The following EPHX2 variants were observed in gnomAD, a reference collection of about 807,000 sequenced individuals.
EPHX2 encodes epoxide hydrolase 2.
A neutral mutation model predicts 78.7 loss-of-function variants in EPHX2; 74 were observed. The ratio of observed to expected loss-of-function variants is 0.94; its 90% CI spans 0.78 to 1.14. EPHX2 has a LOEUF of 1.14. Among genes scored for constraint, EPHX2 ranks in the 50% most tolerant of loss-of-function variants. The pLI, the probability that EPHX2 is intolerant of heterozygous loss-of-function variation, is 0.00. For synonymous variants in EPHX2, 251 were observed against 255.2 expected (o/e 0.98, Z 0.16); for missense variants, 715 against 702.5 (o/e 1.02, Z -0.20).
In EPHX2 at chr8:27,544,872, C is replaced by G. The variant is rs1055126234; in HGVS notation, c.*350C>G. On this transcript the variant is annotated 3_prime_UTR_variant, in exon 19 of 19. Transcript: ENST00000521400. ...AAATCAGCCGTTCATTTAGAAGAAT[C>G]TTAGCAGAGATTGGGATGCCTTACT... 4 of 278,598 alleles carry G rather than the reference C, an allele frequency of 1.4e-5. No homozygotes were observed. The highest frequency in any genetic ancestry group is 2.7e-5 in the Non-Finnish European group (4 of 147,306). The allele number at this position is 278,598 out of a possible 1,614,324, so 17.3% of individuals were successfully genotyped here.
At position 27,543,788 on chromosome 8, in the gene EPHX2, T is replaced by G; in HGVS notation, c.1489T>G (p.Phe497Val). 1 of 1,614,090 alleles carries G rather than the reference T, an allele frequency of 6.2e-7. No homozygotes were observed. Among genetic ancestry groups the G allele is most frequent in the Non-Finnish European group, 8.5e-7 (1 of 1,180,008 alleles). ...PALMVTAEKD[F>V]VLVPQMSQHM... ...CCTGATGGTCACGGCGGAGAAGGAC[T>G]TCGTGCTCGTTCCTCAGATGTCCCA... Residue 497 changes from phenylalanine to valine, a missense_variant, in exon 17 of 19, where the codon TTC (phenylalanine) becomes GTC (valine). By Grantham distance (50) the Phe-to-Val change is conservative. Transcript: ENST00000521400.
At chr8:27,535,359 G>A (rs993268284) in intron 12 of EPHX2, among the ~76,000 whole-genome samples, 2 of 152,018 alleles carry the variant, frequency 1.3e-5, no homozygotes, top group African/African-American at 4.8e-5. Flanking sequence ...ATTTTTGGTA[G>A]AGACGGGGTT....
At chr8:27,539,817 C>T (rs1428196168) in intron 14 of EPHX2, among the ~76,000 whole-genome samples, 2 of 152,222 alleles carry the variant, frequency 1.3e-5, no homozygotes, top group East Asian at 3.8e-4. Context: ...GGGTGACATC[C>T]TCATCACATA....
At chr8:27,491,923 G>C (rs1813393071) in intron 1 of EPHX2, among the ~76,000 whole-genome samples, 1 of 151,206 alleles carries the variant, frequency 6.6e-6, no homozygotes. Context: ...ATAATGTAAT[G>C]ATTTTCTTTC....
At chr8:27,509,574 A>G (rs1163484448) in intron 5 of EPHX2, among the ~76,000 whole-genome samples, 1 of 152,048 alleles carries the variant, frequency 6.6e-6, no homozygotes, top group African/African-American at 2.4e-5. Context: ...TTGTATTTTT[A>G]GTAGAGACAG....
chr8:27,516,919 A>T (rs28490274), intron 8 of EPHX2, among the ~76,000 whole-genome samples: 27,205 of 130,952 alleles, frequency 0.21, 2,909 homozygotes, highest in African/African-American at 0.3. Context: ...TTTCCTTCCT[A>T]TTTTTTTTTT....
Position 27,534,866 on chromosome 8 carries a change from G to A in EPHX2, c.1171-1918G>A, listed in dbSNP as rs907603228. On this transcript the variant is annotated intron_variant, in intron 12 of 18. Coordinates refer to ENST00000521400, the MANE Select transcript of EPHX2 (RefSeq NM_001979.6). ...CTCTGCAGGATCCAAGAAAAGCAGA[G>A]TTACCCCTTGGTGGTGGGAAAGATG... Among the ~76,000 whole-genome samples the A allele has an allele frequency of 6.6e-5, 10 of 152,206 alleles. No individual in the cohort carries two copies. In the East Asian group the frequency reaches 1.7e-3, roughly 26 times the overall value.
At chr8:27,521,995 C>A (rs1173024233) in intron 10 of EPHX2, among the ~76,000 whole-genome samples, 2 of 152,096 alleles carry the variant, frequency 1.3e-5, no homozygotes, top group Non-Finnish European at 2.9e-5. Flanking sequence ...ATTAAAGATG[C>A]TTTGGGACTT....
At chr8:27,507,105 C>T (rs1336511178) in intron 5 of EPHX2, 111 bp downstream of exon 5, 11 of 1,366,198 alleles carry the variant, frequency 8.1e-6, no homozygotes, top group Non-Finnish European at 1.1e-5. Context: ...TGAATGACTC[C>T]TGGGCACCGC....
chr8:27,515,815 T>G lies in EPHX2; in HGVS notation c.831+2T>G. On this transcript the variant is annotated splice_donor_variant, in intron 7 of 18. Transcript: ENST00000521400. LOFTEE classifies it high-confidence loss of function. ...AGTTGGTATTCTTGGAGGTACCAGGTGAGAAAGCTGGGGAAGATGCAGCCA... is the reference window on the plus strand; with the variant it reads ...AGTTGGTATTCTTGGAGGTACCAGGGGAGAAAGCTGGGGAAGATGCAGCCA... 1 of 1,613,450 alleles carries G rather than the reference T, an allele frequency of 6.2e-7. No homozygotes were observed. Among genetic ancestry groups the G allele is most frequent in the Non-Finnish European group, 8.5e-7 (1 of 1,179,682 alleles).
chr8:27,544,359 A>T, intron 18 of EPHX2, 85 bp from the exon 19 acceptor site: 1 of 1,593,498 alleles, frequency 6.3e-7, no homozygotes, highest in Non-Finnish European at 8.6e-7. Flanking sequence ...CACTCATGTC[A>T]CTCACCTCTG....
chr8:27,513,582 G>A (rs777620919), intron 6 of EPHX2, among the ~76,000 whole-genome samples: 3 of 152,138 alleles, frequency 2.0e-5, no homozygotes, highest in Admixed American at 6.6e-5. Context: ...GCTCTCAGGG[G>A]GCTGTTGTAT....
chr8:27,503,424 G>T (rs1379874888), intron 2 of EPHX2, among the ~76,000 whole-genome samples, 180 bp from the exon 3 acceptor site: 2 of 152,128 alleles, frequency 1.3e-5, no homozygotes, highest in Non-Finnish European at 2.9e-5. Context: ...CCTAGGAAGA[G>T]TATAGCTATG....
At chr8:27,501,372 CTTCTTCTTCTTCTTCTTCTTCT>C (rs1418490079) in intron 2 of EPHX2, among the ~76,000 whole-genome samples, 3 of 121,024 alleles carry the variant, frequency 2.5e-5, no homozygotes, top group Admixed American at 2.4e-4. Context: ...TCTTCTTCTT[CTTCTTCTTCTTCTTCTTCTTCT>C]TTCTTCTTTC....
intron 11 of EPHX2, 116 bp downstream of exon 11, chr8:27,522,624 G>A: frequency 1.0e-6 from 1 of 1,004,152 alleles, no homozygotes; most frequent in Non-Finnish European, 1.5e-6. Flanking sequence ...GGTAGTCTGG[G>A]AAGGTGATGT....
intron 12 of EPHX2, among the ~76,000 whole-genome samples, chr8:27,533,239 A>C (rs1311782654): frequency 6.6e-6 from 1 of 152,224 alleles, no homozygotes; most frequent in Non-Finnish European, 1.5e-5. Context: ...CATTTTACAG[A>C]TGAGGAAACC....
At chr8:27,494,699 A>C (rs1171374477) in intron 1 of EPHX2, among the ~76,000 whole-genome samples, 2 of 152,218 alleles carry the variant, frequency 1.3e-5, no homozygotes, top group Non-Finnish European at 2.9e-5. Context: ...GGCTTTGACT[A>C]CTTGTTGGAT....
chr8:27,544,442 A>C lies in EPHX2; in HGVS notation c.1590-2A>C, dbSNP rs1480311606. On this transcript the variant is annotated splice_acceptor_variant, in intron 18 of 18. Coordinates refer to ENST00000521400, the MANE Select transcript of EPHX2 (RefSeq NM_001979.6). LOFTEE classifies it high-confidence loss of function. Reference sequence around the variant, plus strand: ...TTTCTTTTACTTCTCCCTTTCCCCCAGGCCAACCGAGGTGAATCAGATCCT... The same window carrying C: ...TTTCTTTTACTTCTCCCTTTCCCCCCGGCCAACCGAGGTGAATCAGATCCT... The C allele has an allele frequency of 6.2e-7, 1 of 1,613,966 alleles. No homozygotes were observed. Among genetic ancestry groups the C allele is most frequent in the South Asian group, 1.1e-5 (1 of 91,054 alleles).
intron 7 of EPHX2, 116 bp from the exon 8 acceptor site, chr8:27,516,204 C>A: frequency 9.7e-7 from 1 of 1,030,892 alleles, no homozygotes; most frequent in Non-Finnish European, 1.5e-6. Context: ...CCGGGTAGTG[C>A]CCTGTGGCTC....
Sources: allele counts gnomAD v4.1 joint callset (sites outside exome capture counted in the v4.1 genomes callset), GRCh38; gene constraint gnomAD v4.1.1; transcripts MANE v1.5; gene names NCBI Gene and HGNC (gene_info 2026-07-23, HGNC 2026-07-21).